The following IFNLR1 variants were observed in gnomAD, a reference collection of about 807,000 sequenced individuals.
IFNLR1 encodes the protein CRF2-12.
A neutral mutation model predicts 52.5 loss-of-function variants in IFNLR1; 28 were observed. That is an observed-to-expected ratio of 0.53 (90% confidence interval 0.40 to 0.73). The LOEUF (loss-of-function observed/expected upper bound fraction) is 0.73, where lower values mean the gene tolerates loss of function less well. Ranked by LOEUF, IFNLR1 falls within the 30% of genes least tolerant of loss-of-function variation. The pLI is 0.00. For synonymous variants in IFNLR1, 276 were observed against 274.9 expected, an observed-to-expected ratio of 1.00 and a Z score of -0.04; for missense variants, 623 against 659.1, an observed-to-expected ratio of 0.95 and a Z score of 0.60.
chr1:24,169,709 G>C (rs1043234892), intron 2 of IFNLR1, 108 bp from the exon 3 acceptor site: 3 of 1,181,870 alleles, frequency 2.5e-6, no homozygotes, highest in Admixed American at 2.3e-5. Context: ...ACTGACTTTA[G>C]GTCCATCCGT....
rs138679926 is a variant in IFNLR1, at chr1:24,157,474, A to G, written c.1219T>C (p.Leu407=). Residue 407 remains leucine (L), a synonymous_variant, in exon 7 of 7, where the codon TTG becomes CTG. Coordinates refer to ENST00000327535, the MANE Select transcript of IFNLR1 (RefSeq NM_170743.4). The surrounding 1 kb of genome is among the most constrained non-coding windows in gnomAD (Gnocchi z 5.1). ...CCTTGGCCTGGCCCCTTCTCAGCCAAATAGCCAGAGGACCCAGCCCTGTCC... is the reference window on the plus strand; with the variant it reads ...CCTTGGCCTGGCCCCTTCTCAGCCAGATAGCCAGAGGACCCAGCCCTGTCC... ...SWDRAGSSGY[L]AEKGPGQGPG... 10 of 1,613,638 alleles carry G rather than the reference A, an allele frequency of 6.2e-6. No individual in the cohort carries two copies. The African/African-American group carries it at 1.1e-4, about 17-fold the overall frequency.
In IFNLR1 at chr1:24,157,605, C is replaced by A. The variant is rs775075076; in HGVS notation, c.1088G>T (p.Gly363Val). 6.2e-7 allele frequency: 1 copy of A among 1,610,174 alleles called. No individual in the cohort carries two copies. The highest frequency in any genetic ancestry group is 1.7e-5 in the Admixed American group (1 of 59,378). The change falls in exon 7 of 7, where the codon GGT (glycine) becomes GTT (valine). Residue 363 changes from glycine (G) to valine (V), a missense_variant. Coordinates refer to ENST00000327535, the MANE Select transcript of IFNLR1 (RefSeq NM_170743.4). This position sits in a 1 kb window ranked among gnomAD's most constrained non-coding sequence, Gnocchi z 5.1. ...EHQAPGHSEA[G>V]GVDSGRPRAP... is the part of the protein sequence containing the mutation. ...CCTGGGCCTCCCTGAGTCCACCCCACCAGCCTCCGAGTGCCCTGGAGCCTG... is the reference window on the plus strand; with the variant it reads ...CCTGGGCCTCCCTGAGTCCACCCCAACAGCCTCCGAGTGCCCTGGAGCCTG...
At chr1:24,185,668 T>C (rs1413944633) in intron 1 of IFNLR1, among the ~76,000 whole-genome samples, 5 of 152,218 alleles carry the variant, frequency 3.3e-5, no homozygotes, top group Non-Finnish European at 7.3e-5. Flanking sequence ...CTTCTGGACT[T>C]CCTAACGGGT....
chr1:24,184,237 C>T (rs1352924558), intron 1 of IFNLR1, among the ~76,000 whole-genome samples: 2 of 152,218 alleles, frequency 1.3e-5, no homozygotes, highest in African/African-American at 4.8e-5. Flanking sequence ...ATCCACCTGG[C>T]TCACTCCTTT....
intron 2 of IFNLR1, among the ~76,000 whole-genome samples, chr1:24,180,163 G>A (rs1013622221): frequency 6.6e-6 from 1 of 152,110 alleles, no homozygotes; most frequent in Admixed American, 6.6e-5. Context: ...CAGATGTGGT[G>A]GCATATGCCT....
intron 4 of IFNLR1, among the ~76,000 whole-genome samples, chr1:24,159,846 C>G (rs979159497): frequency 6.6e-6 from 1 of 151,198 alleles, no homozygotes; most frequent in South Asian, 2.1e-4. Context: ...TGGGCTCAAG[C>G]GATCCTCCTA....
chr1:24,161,769 T>A, intron 3 of IFNLR1, 85 bp from the exon 4 acceptor site: 1 of 1,352,848 alleles, frequency 7.4e-7, no homozygotes, highest in Non-Finnish European at 9.8e-7. Flanking sequence ...CTCTTGGAAA[T>A]GGAAAAGCAA....
intron 1 of IFNLR1, 46 bp from the exon 2 acceptor site, chr1:24,180,900 C>A: frequency 6.3e-7 from 1 of 1,595,686 alleles, no homozygotes; most frequent in South Asian, 1.1e-5. Context: ...CCTGGCTGGT[C>A]TTGACTCAGG....
At chr1:24,177,511 G>A (rs1432199479) in intron 2 of IFNLR1, among the ~76,000 whole-genome samples, 1 of 152,220 alleles carries the variant, frequency 6.6e-6, no homozygotes, top group East Asian at 1.9e-4. Context: ...AAGGAAGCTG[G>A]AAGACCCAGC....
chr1:24,179,567 G>A (rs902525871), intron 2 of IFNLR1, among the ~76,000 whole-genome samples: 4 of 152,210 alleles, frequency 2.6e-5, no homozygotes, highest in African/African-American at 4.8e-5. Flanking sequence ...GAAGGATGAC[G>A]TGATGCAACA....
intron 3 of IFNLR1, among the ~76,000 whole-genome samples, chr1:24,162,723 C>CTTTCTTTCT (rs1644459731): frequency 9.1e-6 from 1 of 110,468 alleles, no homozygotes; most frequent in African/African-American, 3.3e-5. Context: ...TTCTTTCTTT[C>CTTTCTTTCT]TTTTCTTTCT....
At chr1:24,182,328 G>T (rs7524201) in intron 1 of IFNLR1, among the ~76,000 whole-genome samples, 132,175 of 151,930 alleles carry the variant, frequency 0.87, 57,589 homozygotes, top group Admixed American at 0.91. Flanking sequence ...AGCTGGAGGC[G>T]ATCAAAAGCC....
chr1:24,157,630 G>A lies in IFNLR1; in HGVS notation c.1063C>T (p.Gln355Ter). ...EPPSFLGQEH[Q>*]APGHSEAGGV... is the part of the protein sequence containing the mutation. ...CCAGCCTCCGAGTGCCCTGGAGCCT[G>A]GTGCTCTTGCCCCAGGAAAGAAGGT... is the stretch of plus-strand genomic sequence containing the variant. The change falls in exon 7 of 7, where the codon CAG (glutamine) becomes TAG (stop). Residue 355 changes from glutamine (Q) to a stop codon, truncating the protein, a stop_gained. Transcript: ENST00000327535. LOFTEE classifies it high-confidence loss of function. The surrounding 1 kb of genome is among the most constrained non-coding windows in gnomAD (Gnocchi z 5.1). 4.4e-6 allele frequency: 7 copies of A among 1,607,354 alleles called. No homozygotes were observed. The highest frequency in any genetic ancestry group is 5.1e-6 in the Non-Finnish European group (6 of 1,176,858).
chr1:24,187,259 C>G lies in IFNLR1; in HGVS notation c.-11G>C, dbSNP rs1431803698. ...CTCGGGCCCCGCCATGGCCTTCCTG[C>G]CGCGGCGTCCCCGCCCGGGCCCAGG... On this transcript the variant is annotated 5_prime_UTR_variant, in exon 1 of 7. Coordinates refer to ENST00000327535, the MANE Select transcript of IFNLR1 (RefSeq NM_170743.4). 2.4e-6 allele frequency: 3 copies of G among 1,264,860 alleles called. No homozygotes were observed. Among genetic ancestry groups the G allele is most frequent in the Non-Finnish European group, 3.0e-6 (3 of 1,004,536 alleles). 78.4% of individuals were successfully genotyped at this position (1,264,860 alleles called of 1,614,324 possible).
chr1:24,178,891 A>G (rs975446529), intron 2 of IFNLR1, among the ~76,000 whole-genome samples: 1 of 132,498 alleles, frequency 7.5e-6, no homozygotes, highest in African/African-American at 4.0e-5. Context: ...TATAATTAGA[A>G]TATCACCATT....
At chr1:24,174,925 A>G (rs995714252) in intron 2 of IFNLR1, among the ~76,000 whole-genome samples, 2 of 152,214 alleles carry the variant, frequency 1.3e-5, no homozygotes, top group African/African-American at 4.8e-5. Context: ...TGGCTAGAAC[A>G]ACCTTTTGAT....
chr1:24,161,523 C>T lies in IFNLR1; in HGVS notation c.510+19G>A. On this transcript the variant is annotated intron_variant, in intron 4 of 6. Coordinates refer to ENST00000327535, the MANE Select transcript of IFNLR1 (RefSeq NM_170743.4). ...TGGAGGAGCGGGCCTAGCCTGGGGGCAGGAAAGGAGCTTCCCACCTTGTTT... is the reference window on the plus strand; with the variant it reads ...TGGAGGAGCGGGCCTAGCCTGGGGGTAGGAAAGGAGCTTCCCACCTTGTTT... The T allele has an allele frequency of 6.4e-7, 1 of 1,553,924 alleles. No homozygotes were observed. The highest frequency in any genetic ancestry group is 8.7e-7 in the Non-Finnish European group (1 of 1,147,770).
intron 4 of IFNLR1, among the ~76,000 whole-genome samples, chr1:24,160,246 G>T (rs1644428069): frequency 6.6e-6 from 1 of 152,198 alleles, no homozygotes; most frequent in Non-Finnish European, 1.5e-5. Context: ...TACAGATGCT[G>T]CACTGTGTGG....
chr1:24,158,635 C>T (rs1438844073), intron 6 of IFNLR1, among the ~76,000 whole-genome samples: 2 of 152,140 alleles, frequency 1.3e-5, no homozygotes, highest in Non-Finnish European at 2.9e-5. Flanking sequence ...CCCAGCAGAC[C>T]AGGGAAGAAA....
Sources: gnomAD v4.1 joint callset for allele counts (sites outside exome capture counted in the v4.1 genomes callset) on GRCh38, gnomAD v4.1.1 for gene constraint, Gnocchi (gnomAD v3.1) non-coding constraint, MANE v1.5 for transcripts, NCBI Gene and HGNC (gene_info 2026-07-23, HGNC 2026-07-21) for gene names.